Variants in SYT1 observed in about 807,000 individuals in gnomAD.
SYT1 encodes the protein synaptotagmin-1.
In SYT1, 8 loss-of-function variants were observed where a neutral mutation model predicts 44.8. That is an observed-to-expected ratio of 0.18 (90% CI 0.10 to 0.32). The LOEUF (loss-of-function observed/expected upper bound fraction) is 0.32. Among genes scored for constraint, SYT1 ranks in the 10% least tolerant of loss-of-function variants. SYT1 has a pLI of 1.00. For missense variants in SYT1, 286 were observed against 509.3 expected (o/e 0.56, Z 4.22); for synonymous variants, 154 against 188.8 (o/e 0.82, Z 1.51).
At chr12:79,254,910 T>C (rs1877431593) in intron 4 of SYT1, among the ~76,000 whole-genome samples, 1 of 152,178 alleles carries the variant, frequency 6.6e-6, no homozygotes, top group African/African-American at 2.4e-5. Context: ...GATAAAGAAT[T>C]GCTTCTTATG....
chr12:79,113,782 A>G (rs1283160640), intron 3 of SYT1, among the ~76,000 whole-genome samples: 1 of 152,152 alleles, frequency 6.6e-6, no homozygotes, highest in Non-Finnish European at 1.5e-5. Flanking sequence ...CAGTTCCCAC[A>G]AAAACTGCTA....
intron 3 of SYT1, among the ~76,000 whole-genome samples, chr12:79,091,783 GTTTTC>G (rs1339392683): frequency 2.0e-5 from 3 of 151,994 alleles, no homozygotes; most frequent in Non-Finnish European, 4.4e-5. Context: ...ATACACTGTA[GTTTTC>G]TTTTAAGTCA....
chr12:79,025,050 A>G (rs973674750), intron 2 of SYT1, among the ~76,000 whole-genome samples: 1 of 151,836 alleles, frequency 6.6e-6, no homozygotes, highest in Non-Finnish European at 1.5e-5. Context: ...CATGAGCAAA[A>G]GCTTACAGAT....
At chr12:79,427,990 GA>G (rs1369103851) in intron 9 of SYT1, among the ~76,000 whole-genome samples, 2 of 152,186 alleles carry the variant, frequency 1.3e-5, no homozygotes, top group Non-Finnish European at 2.9e-5. Context: ...TAATGCTTAT[GA>G]ATGTTGAATT....
At chr12:79,232,966 A>C (rs1267620061) in intron 4 of SYT1, among the ~76,000 whole-genome samples, 1 of 152,088 alleles carries the variant, frequency 6.6e-6, no homozygotes, top group African/African-American at 2.4e-5. Context: ...TTTACAATAC[A>C]TCTTTGCTTT....
chr12:78,941,313 C>G (rs1406817304), intron 1 of SYT1, among the ~76,000 whole-genome samples: 1 of 151,278 alleles, frequency 6.6e-6, no homozygotes, highest in Non-Finnish European at 1.5e-5. Context: ...ACCTCGTGAT[C>G]CGCCTGCCTC....
intron 3 of SYT1, among the ~76,000 whole-genome samples, chr12:79,138,839 G>C (rs1393659876): frequency 6.6e-6 from 1 of 152,188 alleles, no homozygotes; most frequent in Non-Finnish European, 1.5e-5. Flanking sequence ...GGTGGGGCCA[G>C]GGTGAGGCAA....
chr12:79,398,066 T>C (rs1208568289), intron 9 of SYT1, among the ~76,000 whole-genome samples: 1 of 152,242 alleles, frequency 6.6e-6, no homozygotes, highest in Non-Finnish European at 1.5e-5. Flanking sequence ...AATTAATTTC[T>C]ACATATGTTT....
chr12:79,285,958 C>T lies in SYT1; in HGVS notation c.338C>T (p.Thr113Met), dbSNP rs554790344. The T allele has an allele frequency of 2.7e-5, 44 of 1,605,228 alleles. 1 individual carries two copies. The East Asian group carries it at 2.9e-4, about 11-fold the overall frequency. The change falls in exon 5 of 11, where the codon ACG becomes ATG. Residue 113 changes from threonine to methionine, a missense_variant. This residue lies in a region of SYT1 where 141 missense variants were observed against 165.7 expected (regional missense o/e 0.85). Coordinates refer to ENST00000261205, the MANE Select transcript of SYT1 (RefSeq NM_005639.3). The part of the protein sequence containing the change: ...NMKDVKDLGK[T>M]MKDQALKDDD... Reference sequence around the variant, plus strand: ...AAAGATGTAAAAGACTTAGGGAAGACGATGAAAGATCAGGTAATGTATTCT... The same window carrying T: ...AAAGATGTAAAAGACTTAGGGAAGATGATGAAAGATCAGGTAATGTATTCT...
intron 3 of SYT1, among the ~76,000 whole-genome samples, chr12:79,176,758 A>T (rs991391366): frequency 5.3e-5 from 8 of 151,716 alleles, no homozygotes; most frequent in African/African-American, 1.2e-4. Context: ...CTATCAATTT[A>T]TTTTTTTTGG....
intron 8 of SYT1, among the ~76,000 whole-genome samples, chr12:79,352,419 G>C (rs986135660): frequency 1.3e-5 from 2 of 152,040 alleles, no homozygotes; most frequent in African/African-American, 4.8e-5. Flanking sequence ...CATAACTGTT[G>C]CCTTCTGTAG....
chr12:79,086,282 G>C (rs1046331357), intron 3 of SYT1, among the ~76,000 whole-genome samples: 1 of 152,000 alleles, frequency 6.6e-6, no homozygotes, highest in Non-Finnish European at 1.5e-5. Context: ...GTGTGTGTGT[G>C]AGCCTGTGAC....
At chr12:79,182,684 A>C (rs1321592537) in intron 3 of SYT1, among the ~76,000 whole-genome samples, 1 of 152,114 alleles carries the variant, frequency 6.6e-6, no homozygotes, top group Non-Finnish European at 1.5e-5. Context: ...GATCTGAACT[A>C]TAATTTAAAA....
At chr12:79,338,265 T>G (rs1427286890) in intron 8 of SYT1, among the ~76,000 whole-genome samples, 4 of 151,612 alleles carry the variant, frequency 2.6e-5, no homozygotes, top group Non-Finnish European at 4.4e-5. Context: ...TTTTTTTCTT[T>G]TTTCTTTTTC....
At chr12:79,250,226 T>C (rs1188510347) in intron 4 of SYT1, among the ~76,000 whole-genome samples, 1 of 152,188 alleles carries the variant, frequency 6.6e-6, no homozygotes, top group African/African-American at 2.4e-5. Flanking sequence ...ATCCCTTTTA[T>C]AGAAGTCCTT....
intron 3 of SYT1, among the ~76,000 whole-genome samples, chr12:79,167,130 T>C (rs1871264888): frequency 6.6e-6 from 1 of 152,016 alleles, no homozygotes; most frequent in South Asian, 2.1e-4. Context: ...GTAGAAAGGA[T>C]TGAGAATTGA....
intron 8 of SYT1, among the ~76,000 whole-genome samples, chr12:79,343,803 A>C (rs1263264294): frequency 6.6e-6 from 1 of 152,234 alleles, no homozygotes; most frequent in Non-Finnish European, 1.5e-5. Flanking sequence ...AAAAGTAAAT[A>C]TAAATAGAAG....
chr12:79,276,186 C>T (rs1242935692), intron 4 of SYT1, among the ~76,000 whole-genome samples: 1 of 151,968 alleles, frequency 6.6e-6, no homozygotes, highest in African/African-American at 2.4e-5. Context: ...CAAAAGATCA[C>T]CCTAACTCTC....
chr12:79,116,149 G>A (rs1879265267), intron 3 of SYT1, among the ~76,000 whole-genome samples: 1 of 152,110 alleles, frequency 6.6e-6, no homozygotes, highest in Admixed American at 6.6e-5. Flanking sequence ...GGTTAGAGTA[G>A]GATTAGTTGA....
Sources: allele counts gnomAD v4.1 joint callset (sites outside exome capture counted in the v4.1 genomes callset), GRCh38; gene constraint gnomAD v4.1.1; regional missense constraint gnomAD v4.1.1; transcripts MANE v1.5; gene names NCBI Gene and HGNC (gene_info 2026-07-23, HGNC 2026-07-21).